KCNN2: variants seen among roughly 807,000 people sequenced by gnomAD.
The protein encoded by KCNN2 is potassium calcium-activated channel subfamily N member 2, also known as small conductance calcium-activated potassium channel protein 2.
Under a neutral mutation model 55.5 loss-of-function variants are expected in KCNN2, and 24 were observed. The observed-to-expected ratio is 0.43, with a 90% CI of 0.31 to 0.61. The LOEUF (loss-of-function observed/expected upper bound fraction) is 0.61. Among genes scored for constraint, KCNN2 ranks in the 20% least tolerant of loss-of-function variants. The probability of loss-of-function intolerance (pLI) is 0.08; values close to 1 mark genes in which losing one functional copy is unlikely to be tolerated. For synonymous variants in KCNN2, 431 were observed against 336.1 expected, an observed-to-expected ratio of 1.28 and a Z score of -3.09; for missense variants, 754 against 853.6, an observed-to-expected ratio of 0.88 and a Z score of 1.45.
chr5:114,493,679 C>T (rs1747972251), intron 7 of KCNN2, among the ~76,000 whole-genome samples: 1 of 152,092 alleles, frequency 6.6e-6, no homozygotes, highest in African/African-American at 2.4e-5. Flanking sequence ...GTTATTCAGC[C>T]CCATTCTGAA....
chr5:114,119,480 A>G (rs1751783940), intron 1 of KCNN2, among the ~76,000 whole-genome samples: 1 of 152,226 alleles, frequency 6.6e-6, no homozygotes, highest in Admixed American at 6.5e-5. Context: ...TCCTCAGCAT[A>G]TCTAGCCAGT....
intron 1 of KCNN2, among the ~76,000 whole-genome samples, chr5:114,166,650 C>T (rs895584031): frequency 6.6e-6 from 1 of 152,130 alleles, no homozygotes; most frequent in African/African-American, 2.4e-5. Context: ...ACCCATGTAC[C>T]ATGCTATAAC....
At chr5:114,449,908 A>ACACACACACACACACACACGCG (rs1309590184) in intron 3 of KCNN2, among the ~76,000 whole-genome samples, 13 of 66,182 alleles carry the variant, frequency 2.0e-4, no homozygotes, top group African/African-American at 4.2e-4. Flanking sequence ...ACACACACAC[A>ACACACACACACACACACACGCG]CGCGCGCGCT....
chr5:114,170,950 C>A (rs1417947625), intron 1 of KCNN2, among the ~76,000 whole-genome samples: 1 of 151,834 alleles, frequency 6.6e-6, no homozygotes. Flanking sequence ...TCTTTTTTAT[C>A]ATATAGGTAC....
intron 1 of KCNN2, among the ~76,000 whole-genome samples, chr5:114,110,518 T>C (rs2112582139): frequency 6.6e-6 from 1 of 152,134 alleles, no homozygotes; most frequent in Admixed American, 6.6e-5. Context: ...TCCAAAAATA[T>C]TGTAGAATTG....
chr5:114,387,493 A>C (rs1255890622), intron 2 of KCNN2, among the ~76,000 whole-genome samples: 5 of 151,944 alleles, frequency 3.3e-5, no homozygotes, highest in Admixed American at 2.6e-4. Flanking sequence ...TATTCTAACT[A>C]AGTTTGAGAG....
Position 114,362,991 on chromosome 5 carries a change from G to C in KCNN2, c.852G>C (p.Glu284Asp). ...SAPEIVVSKP[E>D]HNNSNNLALY... is the part of the protein sequence containing the mutation. ...CCGAGATCGTGGTGTCTAAGCCCGA[G>C]CACAACAACTCCAACAACCTGGCGC... The change falls in exon 1 of 8, where the codon GAG (glutamate) becomes GAC (aspartate). Residue 284 changes from glutamate to aspartate, a missense_variant. Coordinates refer to ENST00000673685, the MANE Select transcript of KCNN2 (RefSeq NM_021614.4). 6.3e-7 allele frequency: 1 copy of C among 1,593,198 alleles called. No homozygotes were observed. The highest frequency in any genetic ancestry group is 8.5e-7 in the Non-Finnish European group (1 of 1,174,784).
intron 1 of KCNN2, among the ~76,000 whole-genome samples, chr5:114,170,846 A>G (rs771650379): frequency 6.6e-5 from 10 of 152,040 alleles, no homozygotes; most frequent in Non-Finnish European, 1.5e-4. Context: ...AAACCAGCTT[A>G]CCTGGACTAC....
At chr5:114,283,499 A>T (rs1438891430) in intron 2 of KCNN2, among the ~76,000 whole-genome samples, 1 of 152,048 alleles carries the variant, frequency 6.6e-6, no homozygotes, top group African/African-American at 2.4e-5. Context: ...TCTACATTTG[A>T]TGGTTTGCAA....
chr5:114,416,847 A>C (rs1243017313), intron 3 of KCNN2, among the ~76,000 whole-genome samples: 1 of 152,222 alleles, frequency 6.6e-6, no homozygotes, highest in African/African-American at 2.4e-5. Flanking sequence ...GTAAATATGA[A>C]AGCCACAAAG....
At chr5:114,293,229 T>C (rs1755934378) in intron 2 of KCNN2, among the ~76,000 whole-genome samples, 1 of 152,168 alleles carries the variant, frequency 6.6e-6, no homozygotes, top group Non-Finnish European at 1.5e-5. Context: ...CAACACTATG[T>C]TGAATAGGAG....
intron 2 of KCNN2, among the ~76,000 whole-genome samples, chr5:114,268,434 C>G (rs1755254435): frequency 6.6e-6 from 1 of 152,254 alleles, no homozygotes; most frequent in African/African-American, 2.4e-5. Context: ...AATCGTGTCT[C>G]TCATGTTCTG....
chr5:114,415,761 T>C (rs1240017528), intron 3 of KCNN2, among the ~76,000 whole-genome samples: 1 of 152,238 alleles, frequency 6.6e-6, no homozygotes, highest in Non-Finnish European at 1.5e-5. Flanking sequence ...TTAAGAGTTC[T>C]TTGTATATTC....
intron 1 of KCNN2, among the ~76,000 whole-genome samples, chr5:114,163,046 C>T (rs532205560): frequency 1.1e-4 from 16 of 152,232 alleles, no homozygotes; most frequent in East Asian, 1.9e-4. Flanking sequence ...TGAGATGAAC[C>T]GGGTACCTCA....
At chr5:114,242,446 T>A (rs1754664927) in intron 2 of KCNN2, among the ~76,000 whole-genome samples, 1 of 152,228 alleles carries the variant, frequency 6.6e-6, no homozygotes, top group South Asian at 2.1e-4. Context: ...AATCCAGTTC[T>A]CTATAACTAT....
At chr5:114,115,032 C>A (rs140115552) in intron 1 of KCNN2, among the ~76,000 whole-genome samples, 1 of 152,076 alleles carries the variant, frequency 6.6e-6, no homozygotes, top group Non-Finnish European at 1.5e-5. Flanking sequence ...GCCTGCATAC[C>A]TATGAGTTAA....
At chr5:114,078,813 A>G (rs1490042839) in intron 1 of KCNN2, among the ~76,000 whole-genome samples, 1 of 152,220 alleles carries the variant, frequency 6.6e-6, no homozygotes, top group Non-Finnish European at 1.5e-5. Context: ...GAGGTTTAGT[A>G]TTCCAAATCA....
intron 1 of KCNN2, among the ~76,000 whole-genome samples, chr5:114,163,897 A>G (rs893864042): frequency 4.7e-5 from 7 of 147,794 alleles, no homozygotes; most frequent in African/African-American, 1.7e-4. Flanking sequence ...CTGCTGAGAT[A>G]TTGATGAGAA....
chr5:114,283,839 A>C (rs1755677686), intron 2 of KCNN2, among the ~76,000 whole-genome samples: 1 of 151,936 alleles, frequency 6.6e-6, no homozygotes, highest in Non-Finnish European at 1.5e-5. Flanking sequence ...TAAGAGTACA[A>C]CTCCTGAGCG....
Sources: gnomAD v4.1 joint callset for allele counts (sites outside exome capture counted in the v4.1 genomes callset) on GRCh38, gnomAD v4.1.1 for gene constraint, MANE v1.5 for transcripts, NCBI Gene and HGNC (gene_info 2026-07-23, HGNC 2026-07-21) for gene names.